SBNO2: variants seen among roughly 807,000 people sequenced by gnomAD.
SBNO2 encodes the protein strawberry notch homolog 2, also known as protein strawberry notch homolog 2.
A neutral mutation model predicts 146.3 loss-of-function variants in SBNO2; 89 were observed. The observed-to-expected ratio is 0.61, with a 90% CI of 0.51 to 0.73. The LOEUF is 0.73. Ranked by LOEUF, SBNO2 falls within the 30% of genes least tolerant of loss-of-function variation. The pLI is 0.00. For missense variants in SBNO2, 2,092 were observed against 2,003.7 expected (o/e 1.04, Z -0.84); for synonymous variants, 1,147 against 892.6 (o/e 1.29, Z -5.08).
intron 4 of SBNO2, among the ~76,000 whole-genome samples, chr19:1,130,004 C>A (rs1399444659): frequency 6.6e-6 from 1 of 152,168 alleles, no homozygotes; most frequent in Non-Finnish European, 1.5e-5. Context: ...GAGGAAACAC[C>A]AGCCCGACTA....
rs2079968617 is a variant in SBNO2, at chr19:1,126,621, C to T, written c.441+983G>A. Among the ~76,000 whole-genome samples, 1 of 152,158 alleles carries T rather than the reference C, an allele frequency of 6.6e-6. No homozygotes were observed. Among genetic ancestry groups the T allele is most frequent in the African/African-American group, 2.4e-5 (1 of 41,422 alleles). On this transcript the variant is annotated intron_variant, in intron 5 of 31. Coordinates refer to ENST00000361757, the MANE Select transcript of SBNO2 (RefSeq NM_014963.3). The surrounding 1 kb of genome is among the most constrained non-coding windows in gnomAD (Gnocchi z 4.4). Reference sequence around the variant, plus strand: ...GTGCCCTGATGCTTCCTGCCTGGGCCCCCAAGCCCGTGAGTTCTGCTGCCC... The same window carrying T: ...GTGCCCTGATGCTTCCTGCCTGGGCTCCCAAGCCCGTGAGTTCTGCTGCCC...
chr19:1,110,616 C>T lies in SBNO2; in HGVS notation c.3028+129G>A. ...TCGCCCACCCGGGATGCACGGTGTT[C>T]CCACGAGCCCCTCGCCCACCCGGGA... On this transcript the variant is annotated intron_variant, in intron 26 of 31. Coordinates refer to ENST00000361757, the MANE Select transcript of SBNO2 (RefSeq NM_014963.3). This position sits in a 1 kb window ranked among gnomAD's most constrained non-coding sequence, Gnocchi z 4.9. 4.2e-6 allele frequency: 5 copies of T among 1,185,444 alleles called. No individual in the cohort carries two copies. Among genetic ancestry groups the T allele is most frequent in the East Asian group, 5.5e-5 (2 of 36,328 alleles). The allele number at this position is 1,185,444 out of a possible 1,614,324, so 73.4% of individuals were successfully genotyped here.
At chr19:1,121,589 G>T (rs2079901584) in intron 11 of SBNO2, among the ~76,000 whole-genome samples, 1 of 152,318 alleles carries the variant, frequency 6.6e-6, no homozygotes, top group East Asian at 1.9e-4. Context: ...GGGGTGCCCT[G>T]CCGTGCCTTT....
chr19:1,138,229 C>A (rs1292161284), intron 4 of SBNO2, among the ~76,000 whole-genome samples: 1 of 134,540 alleles, frequency 7.4e-6, no homozygotes, highest in Non-Finnish European at 1.6e-5. Context: ...GGGAGGAGAC[C>A]AGAAGAGGCA....
In SBNO2 at chr19:1,123,619, C is replaced by T. The variant is rs2079931052; in HGVS notation, c.543G>A (p.Gln181=). Reference sequence around the variant, plus strand: ...CCTCAGCCTCGTCCTCCTCCTCTGGCTGGCTCTGCACACTCTGCTCCTGCG... The same window carrying T: ...CCTCAGCCTCGTCCTCCTCCTCTGGTTGGCTCTGCACACTCTGCTCCTGCG... ...VSYQEQSVQS[Q]PEEEDEAEEE... is the part of the protein sequence containing the mutation. Residue 181 remains glutamine (Q), a synonymous_variant, in exon 7 of 32, where the codon CAG becomes CAA. Transcript: ENST00000361757. The T allele has an allele frequency of 6.2e-7, 1 of 1,612,896 alleles. No homozygotes were observed. The highest frequency in any genetic ancestry group is 1.3e-5 in the African/African-American group (1 of 74,916).
chr19:1,141,119 C>G (rs971491279), intron 4 of SBNO2, among the ~76,000 whole-genome samples: 4 of 151,684 alleles, frequency 2.6e-5, no homozygotes, highest in Non-Finnish European at 5.9e-5. Flanking sequence ...ACACGCGCCC[C>G]GGAGAAGAGG....
chr19:1,156,634 C>T lies in SBNO2; in HGVS notation c.-126-2232G>A, dbSNP rs146016508. Reference sequence around the variant, plus strand: ...GATAGGCGAGTGGACCAGCATGTGGCGTGGCCCATCCACGTGCCAGAACAC... The same window carrying T: ...GATAGGCGAGTGGACCAGCATGTGGTGTGGCCCATCCACGTGCCAGAACAC... On this transcript the variant is annotated intron_variant, in intron 1 of 31. Coordinates refer to ENST00000361757, the MANE Select transcript of SBNO2 (RefSeq NM_014963.3). Among the ~76,000 whole-genome samples the T allele has an allele frequency of 9.2e-3, 1,398 of 152,256 alleles. 15 individuals carry two copies. Among genetic ancestry groups the T allele is most frequent in the African/African-American group, 0.031 (1,279 of 41,522 alleles).
In SBNO2 at chr19:1,117,323, C is replaced by G. The variant is rs944595982; in HGVS notation, c.1704G>C (p.Lys568Asn). The G allele has an allele frequency of 2.6e-6, 4 of 1,561,388 alleles. No individual in the cohort carries two copies. In the African/African-American group the frequency reaches 4.1e-5, roughly 16 times the overall value. The stretch of plus-strand genomic sequence containing the variant: ...GCCCTCGAAGGCCGCAGCCGCTCAC[C>G]TTGTCTCGCGCCAGCTCCTCTCGGG... ...ELAREELARD[K>N]CVVIGLQSTG... Residue 568 changes from lysine (K) to asparagine (N), a missense_variant and splice_region_variant, in exon 15 of 32, where the codon AAG becomes AAC. Lys to Asn is a moderately conservative substitution (Grantham distance 94). Transcript: ENST00000361757.
rs61738770 is a variant in SBNO2, at chr19:1,111,065, G to A, written c.2838C>T (p.Gly946=). The change falls in exon 25 of 32, where the codon GGC becomes GGT. Residue 946 remains glycine, a synonymous_variant. Coordinates refer to ENST00000361757, the MANE Select transcript of SBNO2 (RefSeq NM_014963.3). ...RDMKQGLLSV[G]IGGRESRNGC... is the part of the protein sequence containing the mutation. ...CATTCCGGGACTCCCGGCCACCAAT[G>A]CCCACAGACAGCAGGCCCTGCTTCA... 1,530 of 1,561,992 alleles carry A rather than the reference G, an allele frequency of 9.8e-4. 14 individuals carry two copies. The African/African-American group carries it at 0.017, about 17-fold the overall frequency.
Position 1,126,805 on chromosome 19 carries a change from G to A in SBNO2, c.441+799C>T, listed in dbSNP as rs2079970754. ...CCCAAAGTCTAGAAGCTTCTCTCGT[G>A]GACAGGCCCGGATTGGGGAAGGGAC... On this transcript the variant is annotated intron_variant, in intron 5 of 31. Transcript: ENST00000361757. The surrounding 1 kb of genome is among the most constrained non-coding windows in gnomAD (Gnocchi z 4.4). Among the ~76,000 whole-genome samples, 4 of 152,330 alleles carry A rather than the reference G, an allele frequency of 2.6e-5. No homozygotes were observed. The South Asian group carries it at 8.3e-4, about 32-fold the overall frequency.
intron 4 of SBNO2, among the ~76,000 whole-genome samples, chr19:1,128,481 C>T (rs566106286): frequency 6.6e-6 from 1 of 152,058 alleles, no homozygotes; most frequent in South Asian, 2.1e-4. Context: ...CACCCTCTGC[C>T]TCCCAGGTGC....
chr19:1,166,599 G>A (rs1268545202), intron 1 of SBNO2, among the ~76,000 whole-genome samples: 6 of 136,148 alleles, frequency 4.4e-5, no homozygotes, highest in Admixed American at 7.9e-5. Flanking sequence ...GCAACAGAGC[G>A]AGACCGCAAC....
chr19:1,164,963 G>A (rs2080397985), intron 1 of SBNO2, among the ~76,000 whole-genome samples: 2 of 151,744 alleles, frequency 1.3e-5, no homozygotes, highest in African/African-American at 2.4e-5. Context: ...ACAGGAGGAG[G>A]AGGAGGAACA....
In SBNO2 at chr19:1,108,491, G is replaced by T; in HGVS notation, c.3830C>A (p.Pro1277Gln). The stretch of plus-strand genomic sequence containing the variant: ...GCCGGCGTCCAGGGACAGCGGCGCC[G>T]GGAAAGAGAAGTGCGGGGGCGGCGG... Reference protein sequence around the residue: ...AFPPPPHFSFPAPLSLDAGPG... With the variant: ...AFPPPPHFSFQAPLSLDAGPG... Residue 1277 changes from proline to glutamine, a missense_variant, in exon 32 of 32, where the codon CCG becomes CAG. Coordinates refer to ENST00000361757, the MANE Select transcript of SBNO2 (RefSeq NM_014963.3). 8.2e-7 allele frequency: 1 copy of T among 1,220,142 alleles called. No homozygotes were observed. The allele number at this position is 1,220,142 out of a possible 1,614,324, so 75.6% of individuals were successfully genotyped here. A position where few individuals can be genotyped will look rare whatever the true frequency, so the allele number is the denominator to read the frequency against.
chr19:1,172,970 C>T (rs2080495442), intron 1 of SBNO2, among the ~76,000 whole-genome samples: 1 of 149,014 alleles, frequency 6.7e-6, no homozygotes, highest in African/African-American at 2.5e-5. Context: ...CAGGGGAGGC[C>T]CCGGCTACAC....
chr19:1,111,152 C>T (rs935161893), intron 24 of SBNO2, 59 bp from the exon 25 acceptor site: 141 of 1,507,152 alleles, frequency 9.4e-5, no homozygotes, highest in Non-Finnish European at 1.2e-4. Flanking sequence ...CCTCGAAGCC[C>T]CTAGCTCCTT....
At chr19:1,132,071 C>T in intron 4 of SBNO2, 1 of 1,517,246 alleles carries the variant, frequency 6.6e-7, no homozygotes, top group Middle Eastern at 1.7e-4. Flanking sequence ...CCTCGCCCGC[C>T]CCGGGAAGGG....
chr19:1,123,655 G>A lies in SBNO2; in HGVS notation c.523-16C>T. ...CACTCTGCTCCTGCGTGCGTGGCGGGAGCTCAGCGGAGACTGCAGGCCTGA... is the reference window on the plus strand; with the variant it reads ...CACTCTGCTCCTGCGTGCGTGGCGGAAGCTCAGCGGAGACTGCAGGCCTGA... On this transcript the variant is annotated splice_polypyrimidine_tract_variant and intron_variant, in intron 6 of 31. Coordinates refer to ENST00000361757, the MANE Select transcript of SBNO2 (RefSeq NM_014963.3). 6.2e-7 allele frequency: 1 copy of A among 1,600,412 alleles called. No individual in the cohort carries two copies. Among genetic ancestry groups the A allele is most frequent in the South Asian group, 1.1e-5 (1 of 89,384 alleles).
At chr19:1,149,904 G>A (rs1298403555) in intron 2 of SBNO2, among the ~76,000 whole-genome samples, 1 of 152,190 alleles carries the variant, frequency 6.6e-6, no homozygotes, top group East Asian at 1.9e-4. Context: ...GGCAGGGCCT[G>A]GGGCAGGCGA....
Sources: allele counts gnomAD v4.1 joint callset (sites outside exome capture counted in the v4.1 genomes callset), GRCh38; gene constraint gnomAD v4.1.1; non-coding constraint Gnocchi (gnomAD v3.1); transcripts MANE v1.5; gene names NCBI Gene and HGNC (gene_info 2026-07-23, HGNC 2026-07-21).